GALNT13: variants seen among roughly 807,000 people sequenced by gnomAD.
The protein encoded by GALNT13 is polypeptide N-acetylgalactosaminyltransferase 13, also known as UDP-GalNAc:polypeptide N-acetylgalactosaminyltransferase 13.
Under a neutral mutation model 64.2 loss-of-function variants are expected in GALNT13, and 28 were observed. That is an observed-to-expected ratio of 0.44 (90% CI 0.32 to 0.60). The LOEUF is 0.60. GALNT13 is among the 20% of genes least tolerant of loss of function. GALNT13 has a pLI of 0.05. For missense variants in GALNT13, 577 were observed against 669.8 expected (o/e 0.86, Z 1.53); for synonymous variants, 214 against 224.6 (o/e 0.95, Z 0.42).
At chr2:154,095,206 TTCTGCATAA>T (rs1472815152) in intron 3 of GALNT13, among the ~76,000 whole-genome samples, 1 of 151,916 alleles carries the variant, frequency 6.6e-6, no homozygotes, top group African/African-American at 2.4e-5. Flanking sequence ...GACACATAGC[TTCTGCATAA>T]TTCCTTCAGG....
the GALNT13 span, among the ~76,000 whole-genome samples, chr2:153,719,753 C>G: frequency 6.6e-6 from 1 of 151,678 alleles, no homozygotes; most frequent in Admixed American, 6.6e-5. Context: ...CTTTTCAGAC[C>G]GGCTTAAAAA....
intron 4 of GALNT13, among the ~76,000 whole-genome samples, chr2:154,209,415 G>T (rs1436130173): frequency 6.6e-6 from 1 of 152,082 alleles, no homozygotes; most frequent in Non-Finnish European, 1.5e-5. Flanking sequence ...GGGCCCAAAG[G>T]ATGGACCTTA....
At chr2:153,718,983 G>C in the GALNT13 span, among the ~76,000 whole-genome samples, 9 of 152,092 alleles carry the variant, frequency 5.9e-5, no homozygotes, top group African/African-American at 1.7e-4. Flanking sequence ...AAAGTCCAGA[G>C]AAGGATTTTC....
intron 9 of GALNT13, among the ~76,000 whole-genome samples, chr2:154,333,314 C>G (rs1289862521): frequency 6.6e-6 from 1 of 151,786 alleles, no homozygotes; most frequent in Non-Finnish European, 1.5e-5. Context: ...AAATGTTTTT[C>G]TAAGTAGAGA....
the GALNT13 span, among the ~76,000 whole-genome samples, chr2:153,129,913 T>C: frequency 6.6e-6 from 1 of 152,190 alleles, no homozygotes; most frequent in Admixed American, 6.5e-5. Flanking sequence ...AATAAGTCTT[T>C]ATGACGTTTA....
At chr2:153,685,929 G>A in the GALNT13 span, among the ~76,000 whole-genome samples, 2 of 151,918 alleles carry the variant, frequency 1.3e-5, no homozygotes, top group Non-Finnish European at 2.9e-5. Context: ...TTTTTGTCAG[G>A]TTTGTCAAAG....
At chr2:153,546,091 G>T in the GALNT13 span, among the ~76,000 whole-genome samples, 2 of 152,100 alleles carry the variant, frequency 1.3e-5, no homozygotes, top group African/African-American at 2.4e-5. Flanking sequence ...CCAGCTCCTT[G>T]CACCCTCAGG....
the GALNT13 span, among the ~76,000 whole-genome samples, chr2:153,561,072 A>G: frequency 3.3e-5 from 5 of 151,832 alleles, no homozygotes; most frequent in Non-Finnish European, 5.9e-5. Flanking sequence ...TGTAAATAAA[A>G]CCTTCCCTTC....
At chr2:153,364,247 A>G in the GALNT13 span, among the ~76,000 whole-genome samples, 1 of 152,294 alleles carries the variant, frequency 6.6e-6, no homozygotes, top group East Asian at 1.9e-4. Flanking sequence ...TCAAAATAAT[A>G]GGAGCTGTTT....
the GALNT13 span, among the ~76,000 whole-genome samples, chr2:153,330,213 T>C: frequency 6.6e-6 from 1 of 152,248 alleles, no homozygotes; most frequent in Non-Finnish European, 1.5e-5. Flanking sequence ...GGTAATGTGA[T>C]GTCTCTGGCT....
At chr2:154,290,641 G>A (rs925774174) in intron 8 of GALNT13, among the ~76,000 whole-genome samples, 2 of 152,216 alleles carry the variant, frequency 1.3e-5, no homozygotes, top group African/African-American at 4.8e-5. Flanking sequence ...CCAATCCTCA[G>A]TGCTATAGCT....
chr2:154,271,573 T>C (rs987622570), intron 8 of GALNT13, among the ~76,000 whole-genome samples: 1 of 151,942 alleles, frequency 6.6e-6, no homozygotes, highest in Non-Finnish European at 1.5e-5. Context: ...CCTAGCCCTC[T>C]TGCATTAATA....
At chr2:154,258,728 G>A (rs563061053) in intron 7 of GALNT13, among the ~76,000 whole-genome samples, 28 of 151,226 alleles carry the variant, frequency 1.9e-4, no homozygotes, top group East Asian at 9.7e-4. Context: ...ACCTCTCTTC[G>A]CTATGATTTT....
the GALNT13 span, among the ~76,000 whole-genome samples, chr2:153,142,952 C>T: frequency 1.3e-5 from 2 of 151,836 alleles, no homozygotes; most frequent in African/African-American, 4.8e-5. Flanking sequence ...GACAGGGGTT[C>T]AACTTCCCAA....
the GALNT13 span, among the ~76,000 whole-genome samples, chr2:153,356,789 C>T: frequency 7.3e-4 from 77 of 104,876 alleles, 9 homozygotes; most frequent in African/African-American, 1.4e-3. Flanking sequence ...TCTTCTTCCT[C>T]TTTTTTTTTT....
Position 154,264,975 on chromosome 2 carries a change from A to AT in GALNT13, c.975+5837_975+5838insT, listed in dbSNP as rs1559056240. Among the ~76,000 whole-genome samples, 24 of 149,754 alleles carry AT rather than the reference A, an allele frequency of 1.6e-4. No individual in the cohort carries two copies. The East Asian group carries it at 2.3e-3, about 15-fold the overall frequency. ...CATATATGATACCTATATGATAAAA[A>AT]AAAATATATATATATGGAAAAGCAA... On this transcript the variant is annotated intron_variant, in intron 8 of 12. Coordinates refer to ENST00000392825, the MANE Select transcript of GALNT13 (RefSeq NM_052917.4).
chr2:153,162,441 TG>T, the GALNT13 span, among the ~76,000 whole-genome samples: 1 of 152,158 alleles, frequency 6.6e-6, no homozygotes, highest in Non-Finnish European at 1.5e-5. Flanking sequence ...CCTGAAAATA[TG>T]GGACACCCCT....
chr2:154,424,221 G>C (rs1452802698), intron 11 of GALNT13, among the ~76,000 whole-genome samples: 1 of 152,134 alleles, frequency 6.6e-6, no homozygotes, highest in Non-Finnish European at 1.5e-5. Flanking sequence ...AGTTTGAAAA[G>C]TATCACCAAG....
chr2:153,758,934 C>T, the GALNT13 span, among the ~76,000 whole-genome samples: 1 of 152,262 alleles, frequency 6.6e-6, no homozygotes, highest in East Asian at 1.9e-4. Context: ...AACCTGTGAA[C>T]ATAAAATATC....
Sources: gnomAD v4.1 joint callset for allele counts (sites outside exome capture counted in the v4.1 genomes callset) on GRCh38, gnomAD v4.1.1 for gene constraint, MANE v1.5 for transcripts, NCBI Gene and HGNC (gene_info 2026-07-23, HGNC 2026-07-21) for gene names.